Variants in SPATA6 observed in about 807,000 individuals in gnomAD.
SPATA6 encodes the protein spermatogenesis-associated protein 6.
In SPATA6, 56 loss-of-function variants were observed where a neutral mutation model predicts 65.3. The ratio of observed to expected loss-of-function variants is 0.86; its 90% CI spans 0.69 to 1.07. The LOEUF (loss-of-function observed/expected upper bound fraction) is 1.07, where lower values mean the gene tolerates loss of function less well. SPATA6 is among the 50% of genes least tolerant of loss of function. The probability of loss-of-function intolerance (pLI) is 0.00; values close to 1 mark genes in which losing one functional copy is unlikely to be tolerated. For synonymous variants in SPATA6, 199 were observed against 213.2 expected, an observed-to-expected ratio of 0.93 and a Z score of 0.58; for missense variants, 590 against 594.8, an observed-to-expected ratio of 0.99 and a Z score of 0.08.
rs78800570 is a variant in SPATA6, at chr1:48,396,784, T to C, written c.781-1430A>G. On this transcript the variant is annotated intron_variant, in intron 7 of 12. Coordinates refer to ENST00000371847, the MANE Select transcript of SPATA6 (RefSeq NM_019073.4). ...TGGGGGAGACAGGAATGGAAAGTTA[T>C]TGCTTAATGGGCACAGAGTTTCAGT... Among the ~76,000 whole-genome samples, 405 of 151,682 alleles carry C rather than the reference T, an allele frequency of 2.7e-3. 2 individuals carry two copies. The highest frequency in any genetic ancestry group is 9.4e-3 in the African/African-American group (389 of 41,488).
intron 11 of SPATA6, chr1:48,325,245 G>T (rs1645721704): frequency 1.3e-6 from 1 of 792,268 alleles, no homozygotes; most frequent in Non-Finnish European, 2.1e-6. Flanking sequence ...ACAGGGGCAA[G>T]GTTTGGATAT....
the SPATA6 span, among the ~76,000 whole-genome samples, chr1:48,261,422 A>G: frequency 6.6e-6 from 1 of 152,138 alleles, no homozygotes; most frequent in African/African-American, 2.4e-5. Flanking sequence ...TTATTGCTTT[A>G]GGATATTCTA....
At chr1:48,267,579 C>A in the SPATA6 span, among the ~76,000 whole-genome samples, 1 of 151,910 alleles carries the variant, frequency 6.6e-6, no homozygotes, top group Non-Finnish European at 1.5e-5. Flanking sequence ...CTCCTCCAAC[C>A]ACTGCTGGCC....
intron 11 of SPATA6, among the ~76,000 whole-genome samples, chr1:48,340,387 T>C (rs995491599): frequency 4.0e-5 from 6 of 150,776 alleles, no homozygotes; most frequent in Non-Finnish European, 8.9e-5. Context: ...TATACAATAG[T>C]AGCAATATAC....
chr1:48,262,702 TG>T, the SPATA6 span: 1 of 152,156 alleles, frequency 6.6e-6, no homozygotes, highest in Non-Finnish European at 1.5e-5. Context: ...ACTTTAAAAA[TG>T]CAAGAATATT....
At chr1:48,321,908 A>T (rs1344377785) in intron 11 of SPATA6, among the ~76,000 whole-genome samples, 1 of 152,200 alleles carries the variant, frequency 6.6e-6, no homozygotes, top group Non-Finnish European at 1.5e-5. Flanking sequence ...CTCCTGGATA[A>T]CCAGTGAGTC....
intron 11 of SPATA6, among the ~76,000 whole-genome samples, chr1:48,340,299 A>C (rs1646178269): frequency 6.7e-6 from 1 of 149,882 alleles, no homozygotes; most frequent in Non-Finnish European, 1.5e-5. Flanking sequence ...GCAAATGAGA[A>C]ATTATCTAAA....
chr1:48,381,670 A>G (rs573781344), intron 9 of SPATA6, among the ~76,000 whole-genome samples: 3 of 116,606 alleles, frequency 2.6e-5, no homozygotes, highest in Non-Finnish European at 5.1e-5. Flanking sequence ...TTTTATATGA[A>G]TAGTTAAATT....
chr1:48,338,980 T>C (rs527264809), intron 11 of SPATA6, among the ~76,000 whole-genome samples: 1 of 152,002 alleles, frequency 6.6e-6, no homozygotes, highest in Non-Finnish European at 1.5e-5. Context: ...GTCATAGAGC[T>C]GATACTGCTC....
At chr1:48,278,395 G>A in the SPATA6 span, among the ~76,000 whole-genome samples, 12 of 152,132 alleles carry the variant, frequency 7.9e-5, no homozygotes, top group African/African-American at 2.7e-4. Flanking sequence ...AGCTACAGGA[G>A]GAAATTCAAA....
intron 11 of SPATA6, among the ~76,000 whole-genome samples, chr1:48,333,021 T>C (rs1303286306): frequency 6.6e-6 from 1 of 152,170 alleles, no homozygotes; most frequent in Non-Finnish European, 1.5e-5. Context: ...ATGTTAAGTG[T>C]CAACTTGACT....
chr1:48,319,304 T>C (rs1284091961), intron 11 of SPATA6, among the ~76,000 whole-genome samples: 1 of 152,012 alleles, frequency 6.6e-6, no homozygotes, highest in Non-Finnish European at 1.5e-5. Context: ...CAAAACACAG[T>C]ATTAGGAAGG....
At chr1:48,339,103 A>G (rs1023552230) in intron 11 of SPATA6, among the ~76,000 whole-genome samples, 1 of 151,966 alleles carries the variant, frequency 6.6e-6, no homozygotes, top group Non-Finnish European at 1.5e-5. Context: ...AACTAAGCCT[A>G]AAACCTTTGT....
the SPATA6 span, among the ~76,000 whole-genome samples, chr1:48,285,477 GAAAA>G: frequency 5.4e-3 from 690 of 127,724 alleles, 4 homozygotes; most frequent in African/African-American, 0.018. Context: ...ACTGGGGTAT[GAAAA>G]AAAAAAAAAA....
intron 9 of SPATA6, among the ~76,000 whole-genome samples, chr1:48,370,276 C>T (rs1647196163): frequency 6.6e-6 from 1 of 152,094 alleles, no homozygotes; most frequent in Non-Finnish European, 1.5e-5. Flanking sequence ...ACAAATAATT[C>T]AAATGGAATT....
chr1:48,342,410 T>A (rs1439289828), intron 11 of SPATA6, among the ~76,000 whole-genome samples: 9 of 151,888 alleles, frequency 5.9e-5, no homozygotes, highest in Admixed American at 5.9e-4. Flanking sequence ...GGTCAGAAGA[T>A]CGAGACCATC....
the SPATA6 span, among the ~76,000 whole-genome samples, chr1:48,268,540 G>GT: frequency 1.7e-3 from 258 of 150,014 alleles, 7 homozygotes; most frequent in East Asian, 0.045. Context: ...TTTATAAAAC[G>GT]TAAGTGTGCT....
chr1:48,261,503 A>G, the SPATA6 span, among the ~76,000 whole-genome samples: 1 of 152,046 alleles, frequency 6.6e-6, no homozygotes, highest in Admixed American at 6.6e-5. Context: ...TAATGCTGAT[A>G]TTATTGTCTT....
chr1:48,337,459 A>G (rs1247768419), intron 11 of SPATA6, among the ~76,000 whole-genome samples: 1 of 151,896 alleles, frequency 6.6e-6, no homozygotes, highest in Non-Finnish European at 1.5e-5. Flanking sequence ...TTCATGTTGA[A>G]TAAGACAAGA....
Sources: allele counts gnomAD v4.1 joint callset (sites outside exome capture counted in the v4.1 genomes callset), GRCh38; gene constraint gnomAD v4.1.1; transcripts MANE v1.5; gene names NCBI Gene and HGNC (gene_info 2026-07-23, HGNC 2026-07-21).